Variants in SIN3A observed in about 807,000 individuals in gnomAD.
SIN3A encodes SIN3 transcription regulator family member A.
A neutral mutation model predicts 146.1 loss-of-function variants in SIN3A; 14 were observed. The ratio of observed to expected loss-of-function variants is 0.10; its 90% CI spans 0.06 to 0.15. SIN3A has a LOEUF of 0.15. SIN3A is among the 10% of genes least tolerant of loss of function. SIN3A has a pLI of 1.00. For missense variants in SIN3A, 1,028 were observed against 1,576.0 expected (o/e 0.65, Z 5.89); for synonymous variants, 572 against 572.0 (o/e 1.00, Z 0.00).
intron 12 of SIN3A, among the ~76,000 whole-genome samples, chr15:75,398,320 G>A (rs182698490): frequency 3.0e-4 from 45 of 152,288 alleles, no homozygotes; most frequent in Non-Finnish European, 5.1e-4. Context: ...TGATATAGGT[G>A]GTATGGGGCC....
chr15:75,428,687 G>A (rs1473645963), intron 2 of SIN3A, among the ~76,000 whole-genome samples: 3 of 151,958 alleles, frequency 2.0e-5, no homozygotes, highest in South Asian at 2.1e-4. Context: ...TAGGAGAGAC[G>A]GGGCTTGCTA....
chr15:75,448,827 T>C (rs1464975897), intron 1 of SIN3A, among the ~76,000 whole-genome samples: 2 of 152,188 alleles, frequency 1.3e-5, no homozygotes, highest in East Asian at 3.8e-4. Flanking sequence ...TAAAAAGAAT[T>C]ATACTTCACC....
At chr15:75,407,212 T>C (rs2073532305) in intron 8 of SIN3A, 68 bp from the exon 9 acceptor site, 1 of 1,089,968 alleles carries the variant, frequency 9.2e-7, no homozygotes, top group Admixed American at 2.0e-5. Flanking sequence ...TTTTTGTCTG[T>C]ATTCAATGGT....
intron 3 of SIN3A, among the ~76,000 whole-genome samples, chr15:75,416,911 C>T (rs1014525189): frequency 6.6e-6 from 1 of 152,152 alleles, no homozygotes; most frequent in Non-Finnish European, 1.5e-5. Flanking sequence ...ATTTCACTTC[C>T]TGAAAGTCAG....
At chr15:75,416,357 C>T (rs2073736957) in intron 3 of SIN3A, among the ~76,000 whole-genome samples, 3 of 152,094 alleles carry the variant, frequency 2.0e-5, no homozygotes, top group Admixed American at 2.0e-4. Context: ...CAGAGTTTTG[C>T]TATTGTTGCC....
chr15:75,392,186 G>C, intron 15 of SIN3A, 56 bp downstream of exon 15: 1 of 1,490,168 alleles, frequency 6.7e-7, no homozygotes, highest in Non-Finnish European at 9.2e-7. Context: ...AGTCTAGGTG[G>C]CTCTAAGGTC....
chr15:75,409,213 A>T (rs10152155), intron 8 of SIN3A, among the ~76,000 whole-genome samples: 52,862 of 151,720 alleles, frequency 0.35, 10,508 homozygotes, highest in African/African-American at 0.54. Context: ...CAAAAAAAAA[A>T]GAAGGGAAAA....
At chr15:75,394,445 T>C (rs913928089) in intron 14 of SIN3A, among the ~76,000 whole-genome samples, 3 of 152,122 alleles carry the variant, frequency 2.0e-5, no homozygotes, top group Admixed American at 2.0e-4. Context: ...GCAGGAGGTA[T>C]AAGTTGAAAC....
intron 17 of SIN3A, among the ~76,000 whole-genome samples, chr15:75,383,271 T>TAAAAAAAAA (rs79340346): frequency 2.3e-5 from 3 of 129,156 alleles, no homozygotes; most frequent in African/African-American, 8.6e-5. Flanking sequence ...GTCCCTGTCT[T>TAAAAAAAAA]AAAAAAAAAA....
At chr15:75,434,722 G>A (rs2074074594) in intron 1 of SIN3A, among the ~76,000 whole-genome samples, 1 of 151,848 alleles carries the variant, frequency 6.6e-6, no homozygotes, top group Non-Finnish European at 1.5e-5. Context: ...GCCGAGGCGA[G>A]TGGATCACCT....
intron 4 of SIN3A, 33 bp downstream of exon 4, chr15:75,414,172 T>C (rs1444219100): frequency 1.8e-6 from 2 of 1,135,920 alleles, no homozygotes; most frequent in Middle Eastern, 2.0e-4. Context: ...ATATGCCAGA[T>C]ACAAAGCTTG....
intron 16 of SIN3A, among the ~76,000 whole-genome samples, chr15:75,387,956 C>T (rs1449099240): frequency 6.6e-6 from 1 of 152,182 alleles, no homozygotes; most frequent in African/African-American, 2.4e-5. Context: ...AAACAACTAT[C>T]TGACAACTTT....
rs200545732 is a variant in SIN3A at position 75,410,205 on chromosome 15, G to A, written c.1090C>T (p.Arg364Cys). The stretch of plus-strand genomic sequence containing the variant: ...AAATCTTCCTGGTTTTTAAAGAGAC[G>A]AGCAACCTGGGCATACACCTCCTGC... ...TEQEVYAQVA[R>C]LFKNQEDLLS... Residue 364 changes from arginine (R) to cysteine (C), a missense_variant, in exon 7 of 21, where the codon CGT becomes TGT. By Grantham distance (180) the Arg-to-Cys change is radical (BLOSUM62 -3). Coordinates refer to ENST00000394947, the MANE Select transcript of SIN3A (RefSeq NM_001145358.2). The A allele has an allele frequency of 6.2e-6, 10 of 1,613,984 alleles. No individual in the cohort carries two copies. Among genetic ancestry groups the A allele is most frequent in the African/African-American group, 2.7e-5 (2 of 75,000 alleles).
chr15:75,391,032 G>A (rs886991237), intron 15 of SIN3A, among the ~76,000 whole-genome samples: 13 of 152,286 alleles, frequency 8.5e-5, no homozygotes, highest in Admixed American at 5.9e-4. Flanking sequence ...GAAGTCTGAC[G>A]AATTCATTAA....
In SIN3A at chr15:75,392,572, C is replaced by G. The variant is rs201206097; in HGVS notation, c.2521G>C (p.Glu841Gln). The change falls in exon 15 of 21, where the codon GAG (glutamate) becomes CAG (glutamine). Residue 841 changes from glutamate to glutamine, a missense_variant. By Grantham distance (29) the Glu-to-Gln change is conservative. Transcript: ENST00000394947. ...CCTGTGGCTTCATCTACATCCATCT[C>G]TTCTTCTTCCTCTTCCTCCACATCT... ...LSDVEEEEEE[E>Q]MDVDEATGAV... 1 of 1,614,066 alleles carries G rather than the reference C, an allele frequency of 6.2e-7. No individual in the cohort carries two copies. Among genetic ancestry groups the G allele is most frequent in the Non-Finnish European group, 8.5e-7 (1 of 1,180,022 alleles).
At chr15:75,422,558 G>T in intron 3 of SIN3A, 89 bp downstream of exon 3, 1 of 1,398,624 alleles carries the variant, frequency 7.1e-7, no homozygotes, top group Non-Finnish European at 1.0e-6. Context: ...TCTCAGGTTA[G>T]AAGTTGTACC....
intron 1 of SIN3A, among the ~76,000 whole-genome samples, chr15:75,431,848 T>C (rs1314919633): frequency 6.6e-6 from 1 of 152,196 alleles, no homozygotes; most frequent in South Asian, 2.1e-4. Flanking sequence ...GTCTCAGGTT[T>C]TTCTCACATT....
At chr15:75,431,449 A>C (rs567193806) in intron 1 of SIN3A, among the ~76,000 whole-genome samples, 2 of 152,086 alleles carry the variant, frequency 1.3e-5, no homozygotes, top group African/African-American at 4.8e-5. Context: ...GAGCTTTTCC[A>C]TATCAGTATC....
At chr15:75,405,859 C>T (rs1309242323) in intron 9 of SIN3A, among the ~76,000 whole-genome samples, 1 of 152,118 alleles carries the variant, frequency 6.6e-6, no homozygotes, top group East Asian at 1.9e-4. Flanking sequence ...TAATAGCTTC[C>T]CTTCCATACC....
Sources: gnomAD v4.1 joint callset for allele counts (sites outside exome capture counted in the v4.1 genomes callset) on GRCh38, gnomAD v4.1.1 for gene constraint, MANE v1.5 for transcripts, NCBI Gene and HGNC (gene_info 2026-07-23, HGNC 2026-07-21) for gene names.